The following PFDN1 variants were observed in gnomAD, a reference collection of about 807,000 sequenced individuals.
The protein encoded by PFDN1 is prefoldin 1.
PFDN1 carries 6 observed loss-of-function variants against 17.3 expected under a neutral mutation model. That is an observed-to-expected ratio of 0.35 (90% CI 0.19 to 0.69). PFDN1 has a LOEUF of 0.69. Among genes scored for constraint, PFDN1 ranks in the 30% least tolerant of loss-of-function variants. The probability of loss-of-function intolerance (pLI) is 0.65; values close to 1 mark genes in which losing one functional copy is unlikely to be tolerated. For synonymous variants in PFDN1, 58 were observed against 50.1 expected, an observed-to-expected ratio of 1.16 and a Z score of -0.67; for missense variants, 113 against 146.2, an observed-to-expected ratio of 0.77 and a Z score of 1.17.
chr5:140,293,140 A>C (rs1324797161), intron 2 of PFDN1: 1 of 152,144 alleles, frequency 6.6e-6, no homozygotes, highest in African/African-American at 2.4e-5. Context: ...TGACAAAGTT[A>C]ACAGTTCAAG....
intron 3 of PFDN1, among the ~76,000 whole-genome samples, chr5:140,272,035 T>C (rs1441375257): frequency 4.0e-5 from 6 of 151,252 alleles, no homozygotes; most frequent in Admixed American, 3.9e-4. Context: ...GTTGTTGTCT[T>C]TTGAGATGGA....
At chr5:140,278,824 A>G (rs1765344846) in intron 3 of PFDN1, among the ~76,000 whole-genome samples, 1 of 152,230 alleles carries the variant, frequency 6.6e-6, no homozygotes, top group African/African-American at 2.4e-5. Context: ...GTATATGTGC[A>G]TAAGTGCACA....
intron 2 of PFDN1, among the ~76,000 whole-genome samples, chr5:140,296,704 T>C (rs1765659726): frequency 6.6e-6 from 1 of 152,234 alleles, no homozygotes; most frequent in Non-Finnish European, 1.5e-5. Context: ...CAATTTCTAG[T>C]ACATGTGCTA....
chr5:140,262,352 G>A (rs924808860), intron 3 of PFDN1, among the ~76,000 whole-genome samples: 4 of 152,142 alleles, frequency 2.6e-5, no homozygotes, highest in African/African-American at 9.7e-5. Context: ...TCTAGAATCT[G>A]GAATCCCAGG....
At chr5:140,294,414 C>T (rs1307850463) in intron 2 of PFDN1, among the ~76,000 whole-genome samples, 1 of 151,828 alleles carries the variant, frequency 6.6e-6, no homozygotes, top group East Asian at 1.9e-4. Flanking sequence ...ACTGGAAGAC[C>T]AACTCTATAG....
At chr5:140,265,604 T>C (rs1415265114) in intron 3 of PFDN1, 2 of 152,128 alleles carry the variant, frequency 1.3e-5, no homozygotes, top group South Asian at 2.1e-4. Flanking sequence ...CTTTTAAAAT[T>C]AGTTTTGGGG....
chr5:140,291,629 A>G (rs1765582507), intron 2 of PFDN1, among the ~76,000 whole-genome samples: 1 of 151,686 alleles, frequency 6.6e-6, no homozygotes, highest in Non-Finnish European at 1.5e-5. Flanking sequence ...ATTTAGAGAT[A>G]CTCCTGGATG....
At chr5:140,279,288 T>G (rs936024600) in intron 3 of PFDN1, among the ~76,000 whole-genome samples, 11 of 152,196 alleles carry the variant, frequency 7.2e-5, no homozygotes, top group African/African-American at 2.7e-4. Flanking sequence ...TATGGTGTAC[T>G]TCTATTGCTT....
chr5:140,250,298 C>CG (rs1441751708), intron 3 of PFDN1, among the ~76,000 whole-genome samples: 1 of 152,322 alleles, frequency 6.6e-6, no homozygotes, highest in African/African-American at 2.4e-5. Context: ...CACAGGCCTC[C>CG]CATGCTGCTC....
intron 3 of PFDN1, among the ~76,000 whole-genome samples, chr5:140,247,775 C>CA (rs759478015): frequency 9.9e-5 from 15 of 152,132 alleles, no homozygotes; most frequent in East Asian, 9.8e-4. Flanking sequence ...CCTGTCTCTA[C>CA]AAAAAAATTA....
chr5:140,272,590 C>T (rs1765224213), intron 3 of PFDN1, among the ~76,000 whole-genome samples: 1 of 151,186 alleles, frequency 6.6e-6, no homozygotes, highest in African/African-American at 2.4e-5. Flanking sequence ...GAACTCCTGA[C>T]CTCATGATCT....
At chr5:140,292,962 G>A (rs1765600406) in intron 2 of PFDN1, 1 of 151,964 alleles carries the variant, frequency 6.6e-6, no homozygotes, top group East Asian at 1.9e-4. Context: ...TATGTTCCTT[G>A]ACATGAACAT....
At chr5:140,288,639 C>T (rs992219811) in intron 2 of PFDN1, among the ~76,000 whole-genome samples, 2 of 152,110 alleles carry the variant, frequency 1.3e-5, no homozygotes, top group African/African-American at 2.4e-5. Context: ...GGAGTGAGAG[C>T]TTGCTGTTCT....
At chr5:140,261,399 G>A (rs1256071782) in intron 3 of PFDN1, among the ~76,000 whole-genome samples, 2 of 152,170 alleles carry the variant, frequency 1.3e-5, no homozygotes, top group South Asian at 2.1e-4. Context: ...ATAAGGTACT[G>A]TAGTAGAGCC....
intron 3 of PFDN1, among the ~76,000 whole-genome samples, chr5:140,270,924 T>C (rs947259207): frequency 6.6e-6 from 1 of 151,818 alleles, no homozygotes; most frequent in Non-Finnish European, 1.5e-5. Flanking sequence ...AGACTCCGTC[T>C]CAAAAAAAAA....
chr5:140,282,713 T>C (rs1404249758), intron 2 of PFDN1, among the ~76,000 whole-genome samples: 4 of 152,224 alleles, frequency 2.6e-5, no homozygotes, highest in African/African-American at 9.6e-5. Context: ...ATGTTCACAA[T>C]TCTTGCTTCA....
At chr5:140,290,238 T>C (rs1765559865) in intron 2 of PFDN1, among the ~76,000 whole-genome samples, 1 of 152,184 alleles carries the variant, frequency 6.6e-6, no homozygotes, top group Non-Finnish European at 1.5e-5. Flanking sequence ...CCCCCAAGAT[T>C]TAAGCCTAAG....
Position 140,245,943 on chromosome 5 carries a change from G to C in PFDN1, c.*31C>G, listed in dbSNP as rs1273361981. On this transcript the variant is annotated 3_prime_UTR_variant, in exon 4 of 4. Transcript: ENST00000261813. Reference sequence around the variant, plus strand: ...CTCTGCCCCCACCAGGAATGGGAGGGGCAGGAGGAAGAGCTTCCCAGAGAG... The same window carrying C: ...CTCTGCCCCCACCAGGAATGGGAGGCGCAGGAGGAAGAGCTTCCCAGAGAG... 7.8e-7 allele frequency: 1 copy of C among 1,289,334 alleles called. No homozygotes were observed. Among genetic ancestry groups the C allele is most frequent in the South Asian group, 1.3e-5 (1 of 78,746 alleles). 79.9% of individuals were successfully genotyped at this position (1,289,334 alleles called of 1,614,324 possible).
At chr5:140,280,731 G>A (rs1039216236) in intron 3 of PFDN1, among the ~76,000 whole-genome samples, 1 of 152,038 alleles carries the variant, frequency 6.6e-6, no homozygotes, top group Non-Finnish European at 1.5e-5. Context: ...GGGAAATCTT[G>A]GTCCCTAAGA....
Sources: allele counts gnomAD v4.1 joint callset (sites outside exome capture counted in the v4.1 genomes callset), GRCh38; gene constraint gnomAD v4.1.1; transcripts MANE v1.5; gene names NCBI Gene and HGNC (gene_info 2026-07-23, HGNC 2026-07-21).